TRAPPC9: variants seen among roughly 807,000 people sequenced by gnomAD.
The protein encoded by TRAPPC9 is trafficking protein particle complex subunit 9.
In TRAPPC9, 83 loss-of-function variants were observed where a neutral mutation model predicts 124.0. The ratio of observed to expected loss-of-function variants is 0.67; its 90% confidence interval spans 0.56 to 0.80. The LOEUF is 0.80. TRAPPC9 is among the 30% of genes least tolerant of loss of function. The pLI is 0.00. For synonymous variants in TRAPPC9, 638 were observed against 617.5 expected (o/e 1.03, Z -0.49); for missense variants, 1,302 against 1,508.3 (o/e 0.86, Z 2.27).
chr8:139,804,520 G>T (rs1339410165), intron 21 of TRAPPC9, among the ~76,000 whole-genome samples: 1 of 65,204 alleles, frequency 1.5e-5, no homozygotes, highest in Non-Finnish European at 2.9e-5. Context: ...ACCCACCACC[G>T]CCACCACACA....
chr8:140,348,022 T>C (rs993286234), intron 9 of TRAPPC9, among the ~76,000 whole-genome samples: 8 of 152,194 alleles, frequency 5.3e-5, no homozygotes, highest in African/African-American at 1.7e-4. Context: ...GAATTTGCCA[T>C]CGGCAACTCC....
chr8:139,853,952 A>ATAGTATATAATATAATATAT (rs1475907600), intron 21 of TRAPPC9, among the ~76,000 whole-genome samples: 2 of 152,266 alleles, frequency 1.3e-5, no homozygotes, highest in African/African-American at 2.4e-5. Flanking sequence ...TGTATACCAT[A>ATAGTATATAATATAATATAT]CGTATATAAT....
intron 21 of TRAPPC9, among the ~76,000 whole-genome samples, chr8:139,772,422 A>C (rs1158950441): frequency 6.6e-6 from 1 of 152,186 alleles, no homozygotes; most frequent in East Asian, 1.9e-4. Flanking sequence ...CTCATCTGAC[A>C]GTCCCCAAAC....
At chr8:140,395,981 C>A (rs374469011) in intron 7 of TRAPPC9, among the ~76,000 whole-genome samples, 1 of 152,106 alleles carries the variant, frequency 6.6e-6, no homozygotes, top group Admixed American at 6.5e-5. Flanking sequence ...ACGTTTCCAG[C>A]GGGCTGGCCT....
rs1396450382 is a variant in TRAPPC9, at chr8:140,205,436, T to C, written c.2556+16023A>G. 3.9e-5 allele frequency among the ~76,000 whole-genome samples: 6 copies of C among 152,218 alleles called. No homozygotes were observed. In the East Asian group the frequency reaches 1.2e-3, roughly 29 times the overall value. ...AGCATCATTTACAAAGAGAGTGCTA[T>C]GTAAATCTCATTAACACAGAATTAA... On this transcript the variant is annotated intron_variant, in intron 17 of 22. Coordinates refer to ENST00000438773, the MANE Select transcript of TRAPPC9 (RefSeq NM_001160372.4).
At chr8:139,945,543 C>CAAAAAAAAAAAAAAAAAAA (rs61528944) in intron 19 of TRAPPC9, among the ~76,000 whole-genome samples, 6 of 66,168 alleles carry the variant, frequency 9.1e-5, no homozygotes, top group African/African-American at 2.1e-4. Context: ...GCACAATTAG[C>CAAAAAAAAAAAAAAAAAAA]AAAAAAAAAA....
In TRAPPC9 at chr8:139,906,755, G is replaced by A. The variant is rs866542166; in HGVS notation, c.2964+3392C>T. Among the ~76,000 whole-genome samples the A allele has an allele frequency of 3.2e-4, 49 of 152,226 alleles. 1 individual carries two copies. The highest frequency in any genetic ancestry group is 6.8e-3 in the Middle Eastern group (2 of 294). Reference sequence around the variant, plus strand: ...TTTCCTGGGTACTCCCTTCGCTCAGGCCCTCACGGTCCCTGACTTAGAGCT... The same window carrying A: ...TTTCCTGGGTACTCCCTTCGCTCAGACCCTCACGGTCCCTGACTTAGAGCT... On this transcript the variant is annotated intron_variant, in intron 20 of 22. Coordinates refer to ENST00000438773, the MANE Select transcript of TRAPPC9 (RefSeq NM_001160372.4).
At chr8:139,793,856 A>G (rs1822869619) in intron 21 of TRAPPC9, among the ~76,000 whole-genome samples, 1 of 152,188 alleles carries the variant, frequency 6.6e-6, no homozygotes, top group African/African-American at 2.4e-5. Context: ...GGAGGGAGTG[A>G]TATTTGAAAT....
chr8:140,454,467 G>A (rs950936666), intron 1 of TRAPPC9, among the ~76,000 whole-genome samples: 2 of 149,430 alleles, frequency 1.3e-5, no homozygotes, highest in African/African-American at 2.5e-5. Context: ...GGAGAAACCC[G>A]GTCTCTAATA....
chr8:140,173,350 C>T (rs1191517564), intron 17 of TRAPPC9, among the ~76,000 whole-genome samples: 2 of 152,004 alleles, frequency 1.3e-5, no homozygotes, highest in Non-Finnish European at 2.9e-5. Context: ...GTCAGGAGAT[C>T]GAGACCATCC....
intron 17 of TRAPPC9, among the ~76,000 whole-genome samples, chr8:140,141,145 TTAGAC>T (rs1467367817): frequency 7.9e-5 from 12 of 152,238 alleles, no homozygotes; most frequent in Non-Finnish European, 1.8e-4. Context: ...AGTCTACTTA[TTAGAC>T]TATAGTTGTC....
intron 18 of TRAPPC9, among the ~76,000 whole-genome samples, chr8:139,993,351 AC>A (rs1259892903): frequency 1.3e-5 from 2 of 152,198 alleles, no homozygotes; most frequent in African/African-American, 4.8e-5. Flanking sequence ...ATGGAAATAA[AC>A]CCCAAGAGTA....
At chr8:140,242,423 G>T (rs927107524) in intron 16 of TRAPPC9, among the ~76,000 whole-genome samples, 1 of 152,148 alleles carries the variant, frequency 6.6e-6, no homozygotes, top group Non-Finnish European at 1.5e-5. Flanking sequence ...GAACTCCAGC[G>T]GTGAGAGAAC....
At chr8:139,810,668 G>A (rs1425869261) in intron 21 of TRAPPC9, among the ~76,000 whole-genome samples, 1 of 152,166 alleles carries the variant, frequency 6.6e-6, no homozygotes, top group African/African-American at 2.4e-5. Flanking sequence ...GAAGCCTCTG[G>A]ACTCAAGATT....
At chr8:139,735,681 G>A (rs1011975826) in intron 21 of TRAPPC9, among the ~76,000 whole-genome samples, 1 of 149,052 alleles carries the variant, frequency 6.7e-6, no homozygotes, top group East Asian at 2.0e-4. Flanking sequence ...GTTTTGTTTT[G>A]TTTTTTTGCA....
chr8:139,912,863 G>A (rs188425855), intron 19 of TRAPPC9, among the ~76,000 whole-genome samples: 38 of 152,220 alleles, frequency 2.5e-4, no homozygotes, highest in African/African-American at 7.9e-4. Context: ...TTACTTCCCC[G>A]CCTCAAAGGC....
chr8:139,994,868 G>A (rs982670836), intron 18 of TRAPPC9, among the ~76,000 whole-genome samples: 3 of 151,954 alleles, frequency 2.0e-5, no homozygotes, highest in Non-Finnish European at 4.4e-5. Flanking sequence ...AGAGAGTGGT[G>A]TAGGAGTAAA....
At chr8:140,242,282 C>T (rs992919045) in intron 16 of TRAPPC9, among the ~76,000 whole-genome samples, 1 of 151,960 alleles carries the variant, frequency 6.6e-6, no homozygotes, top group South Asian at 2.1e-4. Flanking sequence ...CTAGTGACAG[C>T]GAAAGAGTTA....
At chr8:140,079,932 A>G (rs1463543474) in intron 17 of TRAPPC9, among the ~76,000 whole-genome samples, 1 of 152,056 alleles carries the variant, frequency 6.6e-6, no homozygotes, top group Admixed American at 6.6e-5. Flanking sequence ...TCTGTCTCAA[A>G]ATAATAATAA....
Sources: gnomAD v4.1 joint callset for allele counts (sites outside exome capture counted in the v4.1 genomes callset) on GRCh38, gnomAD v4.1.1 for gene constraint, MANE v1.5 for transcripts, NCBI Gene and HGNC (gene_info 2026-07-23, HGNC 2026-07-21) for gene names.